CCDC141: variants seen among roughly 807,000 people sequenced by gnomAD.
CCDC141 encodes the protein coiled-coil domain containing 141, also known as coiled-coil domain-containing protein 141.
Under a neutral mutation model 181.0 loss-of-function variants are expected in CCDC141, and 168 were observed. That is an observed-to-expected ratio of 0.93 (90% CI 0.82 to 1.05). CCDC141 has a LOEUF of 1.05. Among genes scored for constraint, CCDC141 ranks in the 50% least tolerant of loss-of-function variants. The probability of loss-of-function intolerance (pLI) is 0.00; values close to 1 mark genes in which losing one functional copy is unlikely to be tolerated. For synonymous variants in CCDC141, 666 were observed against 642.3 expected, an observed-to-expected ratio of 1.04 and a Z score of -0.56; for missense variants, 1,902 against 1,788.5, an observed-to-expected ratio of 1.06 and a Z score of -1.14.
chr2:178,868,832 G>T (rs1489987177), intron 15 of CCDC141, among the ~76,000 whole-genome samples: 6 of 152,142 alleles, frequency 3.9e-5, no homozygotes, highest in Non-Finnish European at 7.4e-5. Flanking sequence ...GGAGGTATAG[G>T]ATTTAGATAA....
intron 8 of CCDC141, among the ~76,000 whole-genome samples, chr2:178,893,178 A>G (rs1424427976): frequency 6.6e-6 from 1 of 151,440 alleles, no homozygotes; most frequent in Non-Finnish European, 1.5e-5. Context: ...TCCCTTATTC[A>G]TTGAGCCAAT....
chr2:178,973,978 T>C (rs1691013323), intron 4 of CCDC141, among the ~76,000 whole-genome samples: 1 of 152,178 alleles, frequency 6.6e-6, no homozygotes, highest in African/African-American at 2.4e-5. Flanking sequence ...ATAATCCCTA[T>C]TAGTGATAGG....
chr2:179,022,301 A>G (rs2042711915), intron 2 of CCDC141, among the ~76,000 whole-genome samples: 1 of 152,228 alleles, frequency 6.6e-6, no homozygotes, highest in Non-Finnish European at 1.5e-5. Context: ...GCTTGAATAA[A>G]ATACAAAAAT....
intron 4 of CCDC141, among the ~76,000 whole-genome samples, chr2:178,968,268 A>C (rs1440404459): frequency 6.6e-6 from 1 of 152,226 alleles, no homozygotes; most frequent in African/African-American, 2.4e-5. Flanking sequence ...CTCCACCTCA[A>C]TTCAACAGAA....
intron 6 of CCDC141, among the ~76,000 whole-genome samples, chr2:178,941,227 A>G (rs961391449): frequency 6.6e-6 from 1 of 151,970 alleles, no homozygotes; most frequent in African/African-American, 2.4e-5. Context: ...CTAACCAACA[A>G]CTCATATTCC....
At chr2:179,002,119 A>T (rs1450640482) in intron 2 of CCDC141, 1 of 203,946 alleles carries the variant, frequency 4.9e-6, no homozygotes, top group Non-Finnish European at 9.9e-6. Context: ...CTCCCGGCCA[A>T]AGTTCATACT....
chr2:178,835,136 C>T (rs1376885386), intron 23 of CCDC141, among the ~76,000 whole-genome samples: 1 of 152,100 alleles, frequency 6.6e-6, no homozygotes, highest in Non-Finnish European at 1.5e-5. Flanking sequence ...CACTCTGGAA[C>T]AGCAGCTGTG....
At chr2:178,910,136 C>A (rs2154373549) in intron 7 of CCDC141, among the ~76,000 whole-genome samples, 1 of 152,316 alleles carries the variant, frequency 6.6e-6, no homozygotes, top group Non-Finnish European at 1.5e-5. Flanking sequence ...GGACCCAAGG[C>A]AGCCTGCACC....
At chr2:178,828,281 A>G (rs557551017), downstream of CCDC141, among the ~76,000 whole-genome samples, 1 of 152,298 alleles carries the variant, frequency 6.6e-6, no homozygotes, top group Admixed American at 6.5e-5. Context: ...GCCAAAGCTG[A>G]CACTCAGCGT....
At chr2:179,015,461 A>G (rs1304535194) in intron 2 of CCDC141, among the ~76,000 whole-genome samples, 2 of 118,850 alleles carry the variant, frequency 1.7e-5, no homozygotes, top group Non-Finnish European at 3.8e-5. Flanking sequence ...TGTACCATAT[A>G]TATCTCATAT....
intron 23 of CCDC141, chr2:178,836,068 A>G (rs1282787805): frequency 6.6e-6 from 1 of 152,628 alleles, no homozygotes; most frequent in African/African-American, 2.4e-5. Flanking sequence ...ATCTTAGTTT[A>G]TAAGTATAAA....
rs947559089 is a variant in CCDC141, at chr2:178,985,567, T to C, written c.226-6892A>G. 1.0e-3 allele frequency among the ~76,000 whole-genome samples: 157 copies of C among 151,630 alleles called. 1 individual carries two copies. Among genetic ancestry groups the C allele is most frequent in the African/African-American group, 3.8e-3 (156 of 41,252 alleles). On this transcript the variant is annotated intron_variant, in intron 2 of 23. Transcript: ENST00000443758. Reference sequence around the variant, plus strand: ...AGGATCAACAAAATTGATAGACTGCTAGCAAGACTAATAAAGAAAAAAACA... The same window carrying C: ...AGGATCAACAAAATTGATAGACTGCCAGCAAGACTAATAAAGAAAAAAACA...
rs950255874 is a variant in CCDC141, at chr2:178,890,757, ACT to A, written c.1266-2091_1266-2090del. On this transcript the variant is annotated intron_variant, in intron 8 of 23. Transcript: ENST00000443758. Reference sequence around the variant, plus strand: ...CTTTGGCCATTTGAATACAAAATGAACTCTCTTTCTAAAATGGCATCACTCAA... The same window carrying A: ...CTTTGGCCATTTGAATACAAAATGAACTCTTTCTAAAATGGCATCACTCAA... Among the ~76,000 whole-genome samples, 21 of 152,268 alleles carry A rather than the reference ACT, an allele frequency of 1.4e-4. No individual in the cohort carries two copies. The East Asian group carries it at 3.5e-3, about 25-fold the overall frequency.
At position 178,868,121 on chromosome 2, in the gene CCDC141, G is replaced by A. The variant is rs1200384234; in HGVS notation, c.2479C>T (p.Leu827Phe). The change falls in exon 16 of 24, where the codon CTC becomes TTC. Residue 827 changes from leucine to phenylalanine, a missense_variant. By Grantham distance (22) the Leu-to-Phe change is conservative (BLOSUM62 0). Transcript: ENST00000443758. Reference protein sequence around the residue: ...LGDAHDVQIHLRCSQEKQARV... With the variant: ...LGDAHDVQIHFRCSQEKQARV... ...GCTTGCTTTTCCTGAGAGCACCGGAGGTGAATCTGCACATCATGGGCATCA... is the reference window on the plus strand; with the variant it reads ...GCTTGCTTTTCCTGAGAGCACCGGAAGTGAATCTGCACATCATGGGCATCA... 1.2e-6 allele frequency: 2 copies of A among 1,614,028 alleles called. No individual in the cohort carries two copies. The highest frequency in any genetic ancestry group is 1.7e-6 in the Non-Finnish European group (2 of 1,179,926).
chr2:178,853,044 T>C lies in CCDC141; in HGVS notation c.3244+397A>G, dbSNP rs909066001. 3.3e-5 allele frequency among the ~76,000 whole-genome samples: 5 copies of C among 152,246 alleles called. 1 individual carries two copies. The highest frequency in any genetic ancestry group is 6.5e-5 in the Admixed American group (1 of 15,286). ...ACTGGAGACTTCAGTCTTAGCTTTATGTCTTCTTAAAGTATTACTGAAATT... is the reference window on the plus strand; with the variant it reads ...ACTGGAGACTTCAGTCTTAGCTTTACGTCTTCTTAAAGTATTACTGAAATT... On this transcript the variant is annotated intron_variant, in intron 20 of 23. Coordinates refer to ENST00000443758, the MANE Select transcript of CCDC141 (RefSeq NM_173648.4).
chr2:178,846,326 T>C (rs1324596394), intron 21 of CCDC141, among the ~76,000 whole-genome samples: 1 of 152,288 alleles, frequency 6.6e-6, no homozygotes, highest in African/African-American at 2.4e-5. Flanking sequence ...GTTTGCAAAG[T>C]ACTGTGGAGT....
chr2:178,905,590 C>G lies in CCDC141; in HGVS notation c.1093-89G>C, dbSNP rs77897115. On this transcript the variant is annotated intron_variant, in intron 7 of 23. Transcript: ENST00000443758. Reference sequence around the variant, plus strand: ...ACAAAACACTGGCAATTAAATCAGGCCAAACAATTTGTTAGTTTCATTATA... The same window carrying G: ...ACAAAACACTGGCAATTAAATCAGGGCAAACAATTTGTTAGTTTCATTATA... The G allele has an allele frequency of 1.3e-3, 1,552 of 1,175,110 alleles. 12 individuals carry two copies. The African/African-American group carries it at 0.022, about 16-fold the overall frequency. The allele number at this position is 1,175,110 out of a possible 1,614,324, so 72.8% of individuals were successfully genotyped here. A position where few individuals can be genotyped will look rare whatever the true frequency, so the allele number is the denominator to read the frequency against.
At chr2:178,984,563 G>C (rs1258297037) in intron 2 of CCDC141, among the ~76,000 whole-genome samples, 21 of 150,516 alleles carry the variant, frequency 1.4e-4, no homozygotes, top group African/African-American at 4.6e-4. Context: ...GCTGTATTCA[G>C]GAAACCCATC....
intron 9 of CCDC141, among the ~76,000 whole-genome samples, chr2:178,887,565 C>T (rs561463300): frequency 2.2e-3 from 340 of 152,292 alleles, no homozygotes; most frequent in Non-Finnish European, 4.0e-3. Context: ...TCCTACTGTT[C>T]CACTGCCACC....
Sources: gnomAD v4.1 joint callset for allele counts (sites outside exome capture counted in the v4.1 genomes callset) on GRCh38, gnomAD v4.1.1 for gene constraint, MANE v1.5 for transcripts, NCBI Gene and HGNC (gene_info 2026-07-23, HGNC 2026-07-21) for gene names.